DNASE2B: variants seen among roughly 807,000 people sequenced by gnomAD.
DNASE2B encodes deoxyribonuclease 2 beta, also known as deoxyribonuclease-2-beta.
Under a neutral mutation model 46.0 loss-of-function variants are expected in DNASE2B, and 43 were observed. The ratio of observed to expected loss-of-function variants is 0.94; its 90% CI spans 0.73 to 1.21. DNASE2B has a LOEUF of 1.21. Ranked by LOEUF, DNASE2B falls within the 50% of genes most tolerant of loss-of-function variation. The pLI, the probability that DNASE2B is intolerant of heterozygous loss-of-function variation, is 0.00. For missense variants in DNASE2B, 395 were observed against 414.4 expected, an observed-to-expected ratio of 0.95 and a Z score of 0.41; for synonymous variants, 156 against 152.5, an observed-to-expected ratio of 1.02 and a Z score of -0.17.
At chr1:84,403,538 G>C (rs1403063741) in intron 2 of DNASE2B, among the ~76,000 whole-genome samples, 2 of 151,780 alleles carry the variant, frequency 1.3e-5, no homozygotes, top group African/African-American at 2.4e-5. Flanking sequence ...AGGAAGAAGG[G>C]GAAGGGCTGG....
At chr1:84,410,046 C>T (rs546325070) in intron 3 of DNASE2B, among the ~76,000 whole-genome samples, 1 of 152,198 alleles carries the variant, frequency 6.6e-6, no homozygotes, top group East Asian at 1.9e-4. Context: ...TAATCTAACA[C>T]TTAGGCAAAC....
At chr1:84,410,773 G>A in intron 3 of DNASE2B, 65 bp from the exon 4 acceptor site, 1 of 1,518,694 alleles carries the variant, frequency 6.6e-7, no homozygotes, top group East Asian at 2.3e-5. Flanking sequence ...TGTTGCCACT[G>A]TGAACCCTAT....
rs148257946 is a variant in DNASE2B at position 84,404,307 on chromosome 1, T to C, written c.303+2229T>C. 2.7e-3 allele frequency among the ~76,000 whole-genome samples: 410 copies of C among 152,322 alleles called. 5 individuals are homozygous for C. The highest frequency in any genetic ancestry group is 9.6e-3 in the African/African-American group (400 of 41,578). ...CCATCACCCCCAACCTTTCTTGCCA[T>C]ATCCACAATCTCTTTCATGACTTTC... On this transcript the variant is annotated intron_variant, in intron 2 of 5. Coordinates refer to ENST00000370665, the MANE Select transcript of DNASE2B (RefSeq NM_021233.3).
rs374126961 is a variant in DNASE2B at position 84,401,977 on chromosome 1, T to C, written c.202T>C (p.Ser68Pro). ...TGGGTTAGAGTACCTGTACCTAGACTCTACAACTAGAAGCTGGAGGAAGAG... is the reference window on the plus strand; with the variant it reads ...TGGGTTAGAGTACCTGTACCTAGACCCTACAACTAGAAGCTGGAGGAAGAG... Reference protein sequence around the residue: ...ETGLEYLYLDSTTRSWRKSEQ... With the variant: ...ETGLEYLYLDPTTRSWRKSEQ... The change falls in exon 2 of 6, where the codon TCT (serine) becomes CCT (proline). Residue 68 changes from serine to proline, a missense_variant. By Grantham distance (74) the Ser-to-Pro change is moderately conservative. Transcript: ENST00000370665. 1 of 1,607,310 alleles carries C rather than the reference T, an allele frequency of 6.2e-7. No homozygotes were observed. Among genetic ancestry groups the C allele is most frequent in the Non-Finnish European group, 8.5e-7 (1 of 1,177,656 alleles).
chr1:84,408,548 C>T (rs1193117051), intron 3 of DNASE2B, 30 bp downstream of exon 3: 2 of 1,588,418 alleles, frequency 1.3e-6, no homozygotes, highest in Admixed American at 1.8e-5. Flanking sequence ...TTTCTCTTTC[C>T]TACTGGAAAT....
chr1:84,401,360 G>A (rs1193551791), intron 1 of DNASE2B, among the ~76,000 whole-genome samples: 1 of 152,186 alleles, frequency 6.6e-6, no homozygotes, highest in Non-Finnish European at 1.5e-5. Flanking sequence ...TCTCCTCCCT[G>A]TGAGATATCC....
intron 1 of DNASE2B, among the ~76,000 whole-genome samples, chr1:84,398,970 T>C (rs760453125): frequency 5.9e-5 from 9 of 152,212 alleles, no homozygotes; most frequent in African/African-American, 1.2e-4. Flanking sequence ...AGCTGACAGC[T>C]TCTGTGAGCT....
chr1:84,406,926 C>G (rs893612036), intron 2 of DNASE2B, among the ~76,000 whole-genome samples: 1 of 152,156 alleles, frequency 6.6e-6, no homozygotes, highest in African/African-American at 2.4e-5. Context: ...CTTCCGTGTA[C>G]CTTCATAAAC....
chr1:84,400,952 A>G (rs1465240331), intron 1 of DNASE2B, among the ~76,000 whole-genome samples: 4 of 152,232 alleles, frequency 2.6e-5, no homozygotes, highest in Admixed American at 6.5e-5. Context: ...TAAATTAAGT[A>G]TAAGACCGAA....
intron 2 of DNASE2B, among the ~76,000 whole-genome samples, chr1:84,402,989 G>A (rs140188362): frequency 2.0e-5 from 3 of 152,254 alleles, no homozygotes; most frequent in Non-Finnish European, 2.9e-5. Flanking sequence ...AAATACACAC[G>A]GAACTGTCAT....
At position 84,414,571 on chromosome 1, in the gene DNASE2B, G is replaced by C; in HGVS notation, c.789G>C (p.Leu263Phe). The C allele has an allele frequency of 6.2e-7, 1 of 1,613,938 alleles. No homozygotes were observed. Among genetic ancestry groups the C allele is most frequent in the Non-Finnish European group, 8.5e-7 (1 of 1,179,938 alleles). ...TGGCTCAACGGCTGAAGACACACTTGTTAACAGAAACCTGGCAGCGAAAAA... is the reference window on the plus strand; with the variant it reads ...TGGCTCAACGGCTGAAGACACACTTCTTAACAGAAACCTGGCAGCGAAAAA... ...AWMAQRLKTHLLTETWQRKRQ... is the reference protein window; with the variant it reads ...AWMAQRLKTHFLTETWQRKRQ... The change falls in exon 6 of 6, where the codon TTG (leucine) becomes TTC (phenylalanine). Residue 263 changes from leucine to phenylalanine, a missense_variant. Coordinates refer to ENST00000370665, the MANE Select transcript of DNASE2B (RefSeq NM_021233.3).
At position 84,398,814 on chromosome 1, in the gene DNASE2B, T is replaced by C. The variant is rs545946509; in HGVS notation, c.125+125T>C. 5 of 1,421,512 alleles carry C rather than the reference T, an allele frequency of 3.5e-6. No individual in the cohort carries two copies. In the African/African-American group the frequency reaches 7.2e-5, roughly 20 times the overall value. 88.1% of individuals were successfully genotyped at this position (1,421,512 alleles called of 1,614,324 possible). A position where few individuals can be genotyped will look rare whatever the true frequency, so the allele number is the denominator to read the frequency against. On this transcript the variant is annotated intron_variant, in intron 1 of 5. Transcript: ENST00000370665. Reference sequence around the variant, plus strand: ...TCCTCCCTTTACAAATAAAGGAAGTTAAAGTGTGCAAATCGGCCAAACTCC... The same window carrying C: ...TCCTCCCTTTACAAATAAAGGAAGTCAAAGTGTGCAAATCGGCCAAACTCC...
In DNASE2B at chr1:84,412,352, C is replaced by T. The variant is rs1680613023; in HGVS notation, c.551C>T (p.Ser184Phe). The stretch of plus-strand genomic sequence containing the variant: ...TCTTTACTGTTTCTTGATTCAGATT[C>T]TCAGCTCTTGGTCTGCAACCCCAAC... Reference protein sequence around the residue: ...FKYNQYEAIDSQLLVCNPNVY... With the variant: ...FKYNQYEAIDFQLLVCNPNVY... Residue 184 changes from serine to phenylalanine, a missense_variant, in exon 5 of 6, where the codon TCT (serine) becomes TTT (phenylalanine). Ser to Phe is a radical substitution (Grantham distance 155). Coordinates refer to ENST00000370665, the MANE Select transcript of DNASE2B (RefSeq NM_021233.3). The T allele has an allele frequency of 6.5e-7, 1 of 1,530,166 alleles. No individual in the cohort carries two copies. The highest frequency in any genetic ancestry group is 1.4e-5 in the African/African-American group (1 of 72,180). 94.8% of individuals were successfully genotyped at this position (1,530,166 alleles called of 1,614,324 possible).
At chr1:84,411,121 C>T in intron 4 of DNASE2B, 122 bp downstream of exon 4, 1 of 1,197,572 alleles carries the variant, frequency 8.4e-7, no homozygotes, top group South Asian at 1.4e-5. Flanking sequence ...TACCTAGATT[C>T]TAATACTGGC....
At chr1:84,409,041 A>C (rs1278506794) in intron 3 of DNASE2B, among the ~76,000 whole-genome samples, 1 of 151,960 alleles carries the variant, frequency 6.6e-6, no homozygotes, top group African/African-American at 2.4e-5. Flanking sequence ...TATCACATAT[A>C]ATTTTTATTA....
intron 3 of DNASE2B, among the ~76,000 whole-genome samples, chr1:84,409,196 A>G (rs1680545429): frequency 6.6e-6 from 1 of 152,206 alleles, no homozygotes; most frequent in Admixed American, 6.5e-5. Flanking sequence ...TTTCTAAAAT[A>G]CATATTTTAA....
At chr1:84,414,326 T>C (rs904496191) in intron 5 of DNASE2B, among the ~76,000 whole-genome samples, 5 of 152,228 alleles carry the variant, frequency 3.3e-5, no homozygotes, top group Admixed American at 3.3e-4. Context: ...ATCATAGTAA[T>C]GATGATAATA....
In DNASE2B at chr1:84,414,716, C is replaced by T. The variant is rs771855021; in HGVS notation, c.934C>T (p.Gln312Ter). 5.6e-6 allele frequency: 9 copies of T among 1,614,124 alleles called. No homozygotes were observed. Among genetic ancestry groups the T allele is most frequent in the Non-Finnish European group, 7.6e-6 (9 of 1,180,004 alleles). The part of the protein sequence containing the change: ...YQDHAKWCIS[Q>*]KGTKNRWTCI... ...AGATCATGCCAAGTGGTGTATTTCC[C>T]AAAAGGGCACCAAAAATCGCTGGAC... Residue 312 changes from glutamine to a stop codon, truncating the protein, a stop_gained, in exon 6 of 6, where the codon CAA (glutamine) becomes TAA (stop). Coordinates refer to ENST00000370665, the MANE Select transcript of DNASE2B (RefSeq NM_021233.3). LOFTEE classifies it high-confidence loss of function.
intron 5 of DNASE2B, among the ~76,000 whole-genome samples, chr1:84,413,398 C>T (rs1214563322): frequency 2.6e-5 from 4 of 152,144 alleles, no homozygotes; most frequent in East Asian, 3.9e-4. Context: ...TTACTGAATG[C>T]CTACTACTAG....
Sources: gnomAD v4.1 joint callset for allele counts (sites outside exome capture counted in the v4.1 genomes callset) on GRCh38, gnomAD v4.1.1 for gene constraint, MANE v1.5 for transcripts, NCBI Gene and HGNC (gene_info 2026-07-23, HGNC 2026-07-21) for gene names.